The following TAFA1 variants were observed in gnomAD, a reference collection of about 807,000 sequenced individuals.
TAFA1 encodes the protein chemokine-like protein TAFA-1.
Under a neutral mutation model 18.5 loss-of-function variants are expected in TAFA1, and 4 were observed. That is an observed-to-expected ratio of 0.22 (90% CI 0.11 to 0.49). The LOEUF is 0.49. Among genes scored for constraint, TAFA1 ranks in the 20% least tolerant of loss-of-function variants. The probability of loss-of-function intolerance (pLI) is 0.98; values close to 1 mark genes in which losing one functional copy is unlikely to be tolerated. For missense variants in TAFA1, 147 were observed against 169.0 expected (o/e 0.87, Z 0.72); for synonymous variants, 56 against 55.2 (o/e 1.01, Z -0.06).
intron 3 of TAFA1, among the ~76,000 whole-genome samples, chr3:68,449,473 C>G (rs2071532278): frequency 6.6e-6 from 1 of 152,124 alleles, no homozygotes; most frequent in African/African-American, 2.4e-5. Flanking sequence ...TTTACATGAT[C>G]AAACTTATGT....
chr3:68,432,857 G>T (rs1043588669), intron 3 of TAFA1, among the ~76,000 whole-genome samples: 3 of 151,938 alleles, frequency 2.0e-5, no homozygotes, highest in African/African-American at 7.2e-5. Context: ...GGGCACATTA[G>T]GTACAGGTTG....
intron 3 of TAFA1, among the ~76,000 whole-genome samples, chr3:68,433,668 T>C (rs1286628493): frequency 6.6e-6 from 1 of 152,132 alleles, no homozygotes; most frequent in Non-Finnish European, 1.5e-5. Context: ...AAATCAAAGA[T>C]GGATTTATGT....
At chr3:68,328,072 G>T (rs921092274) in intron 2 of TAFA1, among the ~76,000 whole-genome samples, 1 of 152,098 alleles carries the variant, frequency 6.6e-6, no homozygotes, top group Non-Finnish European at 1.5e-5. Context: ...GTCGGCCTGT[G>T]AATCTGTTGG....
chr3:68,081,238 C>T (rs2064895010), intron 2 of TAFA1, among the ~76,000 whole-genome samples: 1 of 152,112 alleles, frequency 6.6e-6, no homozygotes, highest in Non-Finnish European at 1.5e-5. Context: ...AAGTTTTCAA[C>T]TTCTTTGCCT....
chr3:68,336,798 A>T (rs1245997560), intron 2 of TAFA1, among the ~76,000 whole-genome samples: 2 of 152,222 alleles, frequency 1.3e-5, no homozygotes, highest in Non-Finnish European at 2.9e-5. Flanking sequence ...ATCTCAGCTC[A>T]GTGCATCCTC....
At chr3:68,331,895 G>A (rs545253116) in intron 2 of TAFA1, among the ~76,000 whole-genome samples, 228 of 110,270 alleles carry the variant, frequency 2.1e-3, no homozygotes, top group Middle Eastern at 0.019. Flanking sequence ...ACGGAGTCTC[G>A]CTCTTTCGCC....
intron 3 of TAFA1, among the ~76,000 whole-genome samples, chr3:68,506,587 T>C (rs2072761158): frequency 6.6e-6 from 1 of 152,144 alleles, no homozygotes; most frequent in South Asian, 2.1e-4. Context: ...AACGCTGTGC[T>C]CCACTGGTAT....
At chr3:68,361,417 G>C (rs1184904631) in intron 2 of TAFA1, among the ~76,000 whole-genome samples, 1 of 151,956 alleles carries the variant, frequency 6.6e-6, no homozygotes, top group African/African-American at 2.4e-5. Context: ...AAGCGCCAAT[G>C]TTCGATAGCA....
intron 2 of TAFA1, among the ~76,000 whole-genome samples, chr3:68,252,538 CCA>C (rs2107167757): frequency 6.6e-6 from 1 of 152,276 alleles, no homozygotes; most frequent in South Asian, 2.1e-4. Flanking sequence ...CTCCAGTTCT[CCA>C]CAGTCTCCAC....
At chr3:68,167,950 T>C (rs2066005052) in intron 2 of TAFA1, among the ~76,000 whole-genome samples, 1 of 152,098 alleles carries the variant, frequency 6.6e-6, no homozygotes, top group Admixed American at 6.6e-5. Flanking sequence ...CCACGTGTTT[T>C]TTTAAGAATC....
chr3:68,467,947 T>C (rs1260980826), intron 3 of TAFA1, among the ~76,000 whole-genome samples: 1 of 152,168 alleles, frequency 6.6e-6, no homozygotes, highest in Non-Finnish European at 1.5e-5. Flanking sequence ...CTAGATAAAG[T>C]TGTGAACATT....
chr3:68,069,435 C>A (rs767576880), intron 2 of TAFA1, among the ~76,000 whole-genome samples: 2 of 152,128 alleles, frequency 1.3e-5, no homozygotes, highest in Non-Finnish European at 2.9e-5. Flanking sequence ...CATGATTCAA[C>A]CACCTCCCAC....
intron 3 of TAFA1, among the ~76,000 whole-genome samples, chr3:68,468,663 G>C (rs532660561): frequency 6.6e-6 from 1 of 152,296 alleles, no homozygotes; most frequent in African/African-American, 2.4e-5. Flanking sequence ...ATGAAGTTTT[G>C]AGATTATCCA....
intron 3 of TAFA1, among the ~76,000 whole-genome samples, chr3:68,429,453 G>A (rs73837612): frequency 0.026 from 4,004 of 151,952 alleles, 164 homozygotes; most frequent in African/African-American, 0.09. Flanking sequence ...ATAGACATGG[G>A]ACCCCATGTG....
chr3:68,534,029 A>G (rs903960285), intron 3 of TAFA1, among the ~76,000 whole-genome samples: 5 of 152,194 alleles, frequency 3.3e-5, no homozygotes, highest in African/African-American at 1.2e-4. Flanking sequence ...ACCCGTATAT[A>G]TATGTCTTTG....
intron 3 of TAFA1, among the ~76,000 whole-genome samples, chr3:68,482,243 G>A (rs180967549): frequency 1.4e-4 from 21 of 152,272 alleles, no homozygotes; most frequent in African/African-American, 2.6e-4. Context: ...ATCTGACCTC[G>A]TGATCCGCCC....
intron 2 of TAFA1, among the ~76,000 whole-genome samples, chr3:68,182,448 C>A (rs1368798464): frequency 1.3e-5 from 2 of 152,124 alleles, no homozygotes; most frequent in Admixed American, 6.5e-5. Context: ...ACATACAATG[C>A]AGTAGTATTT....
chr3:68,137,576 AG>A (rs2065623244), intron 2 of TAFA1, among the ~76,000 whole-genome samples: 1 of 152,210 alleles, frequency 6.6e-6, no homozygotes, highest in Non-Finnish European at 1.5e-5. Context: ...ATAGATGCAG[AG>A]GTTTTCCCAC....
In TAFA1 at chr3:68,545,095, C is replaced by G. The variant is rs1446716633; in HGVS notation, c.*592C>G. ...CTTCCTTCTGCTTCTACCAGATGGCCCAAGGAAGCACATCGTCCTGTTTTA... is the reference window on the plus strand; with the variant it reads ...CTTCCTTCTGCTTCTACCAGATGGCGCAAGGAAGCACATCGTCCTGTTTTA... On this transcript the variant is annotated 3_prime_UTR_variant, in exon 5 of 5. Transcript: ENST00000478136. The G allele has an allele frequency of 6.6e-6, 1 of 152,464 alleles. No individual in the cohort carries two copies. The highest frequency in any genetic ancestry group is 2.4e-5 in the African/African-American group (1 of 41,394). 9.4% of individuals were successfully genotyped at this position (152,464 alleles called of 1,614,324 possible).
Sources: gnomAD v4.1 joint callset for allele counts (sites outside exome capture counted in the v4.1 genomes callset) on GRCh38, gnomAD v4.1.1 for gene constraint, MANE v1.5 for transcripts, NCBI Gene and HGNC (gene_info 2026-07-23, HGNC 2026-07-21) for gene names.